ANKRD55: variants seen among roughly 807,000 people sequenced by gnomAD.
ANKRD55 encodes ankyrin repeat domain-containing protein 55.
ANKRD55 carries 41 observed loss-of-function variants against 60.6 expected under a neutral mutation model. The ratio of observed to expected loss-of-function variants is 0.68; its 90% CI spans 0.53 to 0.88. The LOEUF (loss-of-function observed/expected upper bound fraction) is 0.88, where lower values mean the gene tolerates loss of function less well. Among genes scored for constraint, ANKRD55 ranks in the 40% least tolerant of loss-of-function variants. ANKRD55 has a pLI of 0.00. For missense variants in ANKRD55, 732 were observed against 767.6 expected (o/e 0.95, Z 0.55); for synonymous variants, 264 against 290.3 (o/e 0.91, Z 0.92).
intron 5 of ANKRD55, among the ~76,000 whole-genome samples, chr5:56,166,131 TTTCTTTCTTTCTTTCTTTCTTTC>T (rs1758459436): frequency 1.0e-5 from 1 of 100,004 alleles, no homozygotes; most frequent in African/African-American, 5.2e-5. Context: ...TCTTTCTTTC[TTTCTTTCTTTCTTTCTTTCTTTC>T]TTCTTTCCTT....
In ANKRD55 at chr5:56,106,840, CTACAAAAAAATGAT is replaced by C. The variant is rs543145786; in HGVS notation, c.1630+4264_1631-4255del. Among the ~76,000 whole-genome samples the C allele has an allele frequency of 6.7e-3, 1,024 of 151,814 alleles. 11 individuals are homozygous for C. Among genetic ancestry groups the C allele is most frequent in the African/African-American group, 0.023 (947 of 41,418 alleles). On this transcript the variant is annotated intron_variant, in intron 10 of 11. Coordinates refer to ENST00000341048, the MANE Select transcript of ANKRD55 (RefSeq NM_024669.3). Reference sequence around the variant, plus strand: ...GGGTAACAAAGTGAGACCCTTGTCTCTACAAAAAAATGATGACAAAAAAATTAGCCAGAGGAGGA... The same window carrying C: ...GGGTAACAAAGTGAGACCCTTGTCTCGACAAAAAAATTAGCCAGAGGAGGA...
intron 5 of ANKRD55, among the ~76,000 whole-genome samples, chr5:56,168,311 A>G (rs909616360): frequency 6.6e-6 from 1 of 152,200 alleles, no homozygotes; most frequent in Non-Finnish European, 1.5e-5. Context: ...AAAATTCCAG[A>G]AATAAACAAT....
intron 6 of ANKRD55, among the ~76,000 whole-genome samples, chr5:56,158,023 A>T (rs1225790944): frequency 6.6e-6 from 1 of 152,176 alleles, no homozygotes; most frequent in Non-Finnish European, 1.5e-5. Context: ...TCTACTAAAA[A>T]TACAAAAATT....
chr5:56,130,179 G>A (rs1192370659), intron 7 of ANKRD55, among the ~76,000 whole-genome samples: 1 of 152,156 alleles, frequency 6.6e-6, no homozygotes, highest in African/African-American at 2.4e-5. Context: ...GTGGGAGGGG[G>A]AAAAGGTACC....
chr5:56,127,449 T>C, intron 7 of ANKRD55: 1 of 985,162 alleles, frequency 1.0e-6, no homozygotes, highest in Non-Finnish European at 1.2e-6. Context: ...AACAACTTGC[T>C]CATTAGGTCT....
At chr5:56,150,525 G>A (rs140457227) in intron 6 of ANKRD55, among the ~76,000 whole-genome samples, 258 of 151,886 alleles carry the variant, frequency 1.7e-3, no homozygotes, top group African/African-American at 6.1e-3. Context: ...AGTCACTTGA[G>A]CCTGGGAGGC....
intron 7 of ANKRD55, chr5:56,137,462 G>C (rs1366910661): frequency 1.2e-6 from 1 of 809,958 alleles, no homozygotes; most frequent in Non-Finnish European, 2.2e-6. Context: ...AACCAGAAGA[G>C]GAGATTGCCC....
At chr5:56,140,918 G>T (rs1172675014) in intron 7 of ANKRD55, among the ~76,000 whole-genome samples, 4 of 151,856 alleles carry the variant, frequency 2.6e-5, no homozygotes, top group Admixed American at 1.3e-4. Context: ...CAAAAATTAG[G>T]CAGTCGTGGT....
chr5:56,148,900 T>C (rs1757970718), intron 6 of ANKRD55, among the ~76,000 whole-genome samples: 1 of 152,144 alleles, frequency 6.6e-6, no homozygotes, highest in Non-Finnish European at 1.5e-5. Context: ...GAGAGGTCAG[T>C]AAACAATTCC....
intron 2 of ANKRD55, among the ~76,000 whole-genome samples, chr5:56,195,983 A>C (rs1394271204): frequency 6.6e-6 from 1 of 152,198 alleles, no homozygotes; most frequent in Non-Finnish European, 1.5e-5. Context: ...CATATGTGTT[A>C]CTTGACTAGA....
chr5:56,105,154 G>T (rs548794224), intron 10 of ANKRD55, among the ~76,000 whole-genome samples: 1 of 149,302 alleles, frequency 6.7e-6, no homozygotes, highest in African/African-American at 2.5e-5. Flanking sequence ...TAGTGCCATC[G>T]TGGCTCACGG....
chr5:56,204,759 G>T (rs897624143), intron 2 of ANKRD55, among the ~76,000 whole-genome samples: 1 of 152,134 alleles, frequency 6.6e-6, no homozygotes, highest in Admixed American at 6.5e-5. Flanking sequence ...TTTTATGAAG[G>T]ATTATGCTAG....
intron 2 of ANKRD55, among the ~76,000 whole-genome samples, chr5:56,229,175 G>A (rs1581036025): frequency 6.7e-6 from 1 of 149,844 alleles, no homozygotes; most frequent in Non-Finnish European, 1.5e-5. Flanking sequence ...TCCACAAGTC[G>A]TGACAAAGCT....
chr5:56,124,124 TG>T (rs1757163690), intron 8 of ANKRD55, among the ~76,000 whole-genome samples: 2 of 152,190 alleles, frequency 1.3e-5, no homozygotes, highest in Admixed American at 1.3e-4. Flanking sequence ...GAGCAGGACT[TG>T]GTAACAGACT....
chr5:56,106,016 A>G (rs1290926004), intron 10 of ANKRD55, among the ~76,000 whole-genome samples: 1 of 152,232 alleles, frequency 6.6e-6, no homozygotes, highest in African/African-American at 2.4e-5. Context: ...TCTCTAGGAT[A>G]AGTGCTTCAT....
intron 7 of ANKRD55, among the ~76,000 whole-genome samples, chr5:56,136,028 T>C (rs541033546): frequency 6.6e-6 from 1 of 151,736 alleles, no homozygotes; most frequent in Admixed American, 6.6e-5. Context: ...TATGAAAAAA[T>C]CTATAAAAGT....
chr5:56,233,032 A>G, intron 1 of ANKRD55, 86 bp from the exon 2 acceptor site: 1 of 890,186 alleles, frequency 1.1e-6, no homozygotes, highest in Admixed American at 2.0e-5. Flanking sequence ...CTGTTTCAGG[A>G]TTAAATGTGC....
rs373462037 is a variant in ANKRD55, at chr5:56,214,861, C to T, written c.58+17995G>A. 5.1e-4 allele frequency among the ~76,000 whole-genome samples: 77 copies of T among 152,264 alleles called. 5 individuals carry two copies. In the South Asian group the frequency reaches 0.015, roughly 29 times the overall value. ...TTCAGTGGTCCCTGCTGGGCCGGCC[C>T]AGTTGTGGCCAGAACTCTAGGATGC... On this transcript the variant is annotated intron_variant, in intron 2 of 11. Coordinates refer to ENST00000341048, the MANE Select transcript of ANKRD55 (RefSeq NM_024669.3).
At chr5:56,106,062 C>T (rs1004739228) in intron 10 of ANKRD55, among the ~76,000 whole-genome samples, 4 of 152,158 alleles carry the variant, frequency 2.6e-5, no homozygotes, top group Admixed American at 2.0e-4. Context: ...TGACAGGTCT[C>T]AATAAATGTT....
Sources: gnomAD v4.1 joint callset for allele counts (sites outside exome capture counted in the v4.1 genomes callset) on GRCh38, gnomAD v4.1.1 for gene constraint, MANE v1.5 for transcripts, NCBI Gene and HGNC (gene_info 2026-07-23, HGNC 2026-07-21) for gene names.